Variants in PPA2 observed in about 807,000 individuals in gnomAD.
PPA2 encodes inorganic pyrophosphatase 2, mitochondrial.
Under a neutral mutation model 49.5 loss-of-function variants are expected in PPA2, and 48 were observed. That is an observed-to-expected ratio of 0.97 (90% CI 0.77 to 1.23). PPA2 has a LOEUF of 1.23. Among genes scored for constraint, PPA2 ranks in the 50% most tolerant of loss-of-function variants. The pLI is 0.00. For missense variants in PPA2, 429 were observed against 410.1 expected, an observed-to-expected ratio of 1.05 and a Z score of -0.40; for synonymous variants, 131 against 139.9, an observed-to-expected ratio of 0.94 and a Z score of 0.45.
intron 1 of PPA2, among the ~76,000 whole-genome samples, chr4:105,469,789 G>A (rs1463236878): frequency 6.6e-6 from 1 of 152,146 alleles, no homozygotes; most frequent in East Asian, 1.9e-4. Context: ...ATCAGTTGAA[G>A]TTCTATGATA....
chr4:105,463,212 T>G (rs1483323258), intron 1 of PPA2, among the ~76,000 whole-genome samples: 1 of 152,170 alleles, frequency 6.6e-6, no homozygotes, highest in Non-Finnish European at 1.5e-5. Context: ...CAGGCTGATG[T>G]GGTCTCAGAT....
intron 4 of PPA2, among the ~76,000 whole-genome samples, chr4:105,447,207 C>T (rs1424769269): frequency 6.6e-6 from 1 of 152,030 alleles, no homozygotes; most frequent in Non-Finnish European, 1.5e-5. Context: ...AGCACTTGGC[C>T]TTAAAAAAAG....
chr4:105,414,539 A>G (rs1453697840), intron 7 of PPA2, among the ~76,000 whole-genome samples: 1 of 152,232 alleles, frequency 6.6e-6, no homozygotes, highest in Non-Finnish European at 1.5e-5. Flanking sequence ...CTGCAGCTGG[A>G]CCAGGCAAAC....
intron 7 of PPA2, among the ~76,000 whole-genome samples, chr4:105,416,398 T>C (rs1270495515): frequency 6.6e-6 from 1 of 152,172 alleles, no homozygotes; most frequent in Admixed American, 6.5e-5. Flanking sequence ...AGCCTTATGC[T>C]AAAATTTTGT....
intron 7 of PPA2, among the ~76,000 whole-genome samples, chr4:105,413,287 C>T (rs926485200): frequency 7.4e-5 from 11 of 148,226 alleles, no homozygotes; most frequent in South Asian, 4.3e-4. Flanking sequence ...CATGGACACA[C>T]GGTGGGGAGC....
At chr4:105,406,315 A>C (rs1722475286) in intron 7 of PPA2, among the ~76,000 whole-genome samples, 1 of 152,166 alleles carries the variant, frequency 6.6e-6, no homozygotes, top group Non-Finnish European at 1.5e-5. Context: ...AGTGATTGTA[A>C]GACAATAAAA....
At chr4:105,391,619 G>C (rs1246336857) in intron 9 of PPA2, among the ~76,000 whole-genome samples, 1 of 152,094 alleles carries the variant, frequency 6.6e-6, no homozygotes, top group Non-Finnish European at 1.5e-5. Flanking sequence ...AAACTGTGCA[G>C]AGGTGACATC....
chr4:105,458,816 T>TC (rs1186629118), intron 1 of PPA2, among the ~76,000 whole-genome samples: 5 of 54,132 alleles, frequency 9.2e-5, no homozygotes, highest in Middle Eastern at 0.024. Flanking sequence ...AGACTCCACC[T>TC]CCAAAAAAAA....
intron 1 of PPA2, among the ~76,000 whole-genome samples, chr4:105,467,628 G>T (rs1057218593): frequency 6.6e-6 from 1 of 152,130 alleles, no homozygotes; most frequent in African/African-American, 2.4e-5. Context: ...GTGGAAGCAG[G>T]GTGAAGAATC....
At chr4:105,425,345 C>A (rs1328939482) in intron 6 of PPA2, among the ~76,000 whole-genome samples, 1 of 151,868 alleles carries the variant, frequency 6.6e-6, no homozygotes, top group African/African-American at 2.4e-5. Context: ...TAAAGAAAAA[C>A]ATGACAATAT....
chr4:105,377,418 C>T (rs1733302267), intron 10 of PPA2, among the ~76,000 whole-genome samples: 2 of 152,046 alleles, frequency 1.3e-5, no homozygotes, highest in Admixed American at 6.6e-5. Context: ...TTATAAGCCC[C>T]ATTTTATAAA....
chr4:105,442,269 C>G (rs1455957750), intron 5 of PPA2, among the ~76,000 whole-genome samples: 1 of 152,122 alleles, frequency 6.6e-6, no homozygotes, highest in Non-Finnish European at 1.5e-5. Context: ...TTATTAAGAA[C>G]TCACTATGGG....
chr4:105,446,453 C>T lies in PPA2; in HGVS notation c.371G>A (p.Gly124Glu), dbSNP rs149461126. 1.9e-5 allele frequency: 30 copies of T among 1,606,362 alleles called. No individual in the cohort carries two copies. The Middle Eastern group carries it at 6.6e-4, about 35-fold the overall frequency. ...GATATTCGCCACATAGCGTAGCTTT[C>T]CATCCTTTACATATTGTTTAATGGG... is the stretch of plus-strand genomic sequence containing the variant. ...MNPIKQYVKDGKLRYVANIFP... is the reference protein window; with the variant it reads ...MNPIKQYVKDEKLRYVANIFP... Residue 124 changes from glycine (G) to glutamate (E), a missense_variant, in exon 5 of 12, where the codon GGA (glycine) becomes GAA (glutamate). Transcript: ENST00000341695.
In PPA2 at chr4:105,370,424, A is replaced by T. The variant is rs145544891; in HGVS notation, c.976+413T>A. The stretch of plus-strand genomic sequence containing the variant: ...AACAGCTTCAAATAATGGTAATAAA[A>T]ATATTATATTTATTTTTAATTCTAT... On this transcript the variant is annotated intron_variant, in intron 11 of 11. Coordinates refer to ENST00000341695, the MANE Select transcript of PPA2 (RefSeq NM_176869.3). 294 of 230,546 alleles carry T rather than the reference A, an allele frequency of 1.3e-3. 5 individuals are homozygous for T. The highest frequency in any genetic ancestry group is 6.6e-3 in the African/African-American group (284 of 42,870). The allele number at this position is 230,546 out of a possible 1,614,324, so 14.3% of individuals were successfully genotyped here.
chr4:105,414,771 G>A (rs968807187), intron 7 of PPA2, among the ~76,000 whole-genome samples: 2 of 152,172 alleles, frequency 1.3e-5, no homozygotes, highest in Non-Finnish European at 2.9e-5. Context: ...TTTGCCTTAG[G>A]GTTCTTTCAG....
chr4:105,408,175 T>G (rs568685049), intron 7 of PPA2, among the ~76,000 whole-genome samples: 2 of 152,158 alleles, frequency 1.3e-5, no homozygotes, highest in Non-Finnish European at 2.9e-5. Flanking sequence ...ATTAACCAAC[T>G]GCCTTTGCCT....
chr4:105,386,176 G>T (rs1273766026), intron 10 of PPA2, among the ~76,000 whole-genome samples: 2 of 151,972 alleles, frequency 1.3e-5, no homozygotes, highest in African/African-American at 4.8e-5. Context: ...CTCCCATGCT[G>T]GGCCAATTTT....
At chr4:105,466,693 G>A (rs1054159547) in intron 1 of PPA2, among the ~76,000 whole-genome samples, 1 of 152,200 alleles carries the variant, frequency 6.6e-6, no homozygotes, top group Non-Finnish European at 1.5e-5. Flanking sequence ...AACTTGAAAA[G>A]ACAAATGCAC....
At position 105,370,342 on chromosome 4, in the gene PPA2, T is replaced by G. The variant is rs775611109; in HGVS notation, c.976+495A>C. ...GCAATATTTTGAAAGACAAATGATG[T>G]GTGCACATGCTTAAATTCTGAAAAT... On this transcript the variant is annotated intron_variant, in intron 11 of 11. Transcript: ENST00000341695. Among the ~76,000 whole-genome samples, 56 of 152,206 alleles carry G rather than the reference T, an allele frequency of 3.7e-4. 1 individual carries two copies. The highest frequency in any genetic ancestry group is 1.0e-4 in the Non-Finnish European group (7 of 68,014).
Sources: allele counts gnomAD v4.1 joint callset (sites outside exome capture counted in the v4.1 genomes callset), GRCh38; gene constraint gnomAD v4.1.1; transcripts MANE v1.5; gene names NCBI Gene and HGNC (gene_info 2026-07-23, HGNC 2026-07-21).